The following FRMD4B variants were observed in gnomAD, a reference collection of about 807,000 sequenced individuals.
FRMD4B encodes FERM domain-containing protein 4B.
In FRMD4B, 74 loss-of-function variants were observed where a neutral mutation model predicts 141.5. The observed-to-expected ratio is 0.52, with a 90% CI of 0.43 to 0.63. FRMD4B has a LOEUF of 0.63. FRMD4B is among the 30% of genes least tolerant of loss of function. FRMD4B has a pLI of 0.00. For synonymous variants in FRMD4B, 506 were observed against 467.9 expected, an observed-to-expected ratio of 1.08 and a Z score of -1.05; for missense variants, 1,366 against 1,253.4, an observed-to-expected ratio of 1.09 and a Z score of -1.36.
At chr3:69,204,740 A>C (rs894470715) in intron 11 of FRMD4B, among the ~76,000 whole-genome samples, 7 of 152,208 alleles carry the variant, frequency 4.6e-5, no homozygotes, top group African/African-American at 1.4e-4. Context: ...GTCATACAAC[A>C]AATACGCAGT....
intron 5 of FRMD4B, among the ~76,000 whole-genome samples, chr3:69,264,509 G>A (rs1356254109): frequency 6.6e-6 from 1 of 152,096 alleles, no homozygotes; most frequent in Non-Finnish European, 1.5e-5. Flanking sequence ...CAGAGTAAGG[G>A]ATCCCAGGTT....
intron 19 of FRMD4B, among the ~76,000 whole-genome samples, chr3:69,186,392 G>C (rs982000714): frequency 6.6e-6 from 1 of 151,576 alleles, no homozygotes; most frequent in Non-Finnish European, 1.5e-5. Flanking sequence ...ACTACAGGTA[G>C]GCAACACCAT....
intron 1 of FRMD4B, among the ~76,000 whole-genome samples, chr3:69,521,830 T>C (rs999326733): frequency 1.3e-5 from 2 of 152,172 alleles, no homozygotes; most frequent in African/African-American, 4.8e-5. Flanking sequence ...TCAGCTGAAA[T>C]GTCGCTCCAA....
chr3:69,249,997 G>T, intron 6 of FRMD4B, 46 bp downstream of exon 6: 1 of 1,316,886 alleles, frequency 7.6e-7, no homozygotes, highest in South Asian at 1.2e-5. Context: ...TAACAAAAAC[G>T]AACAAACACA....
At chr3:69,420,948 G>T (rs550086673) in intron 2 of FRMD4B, among the ~76,000 whole-genome samples, 1 of 152,328 alleles carries the variant, frequency 6.6e-6, no homozygotes, top group African/African-American at 2.4e-5. Flanking sequence ...TAAACAATAA[G>T]AGAGGAAGTC....
intron 1 of FRMD4B, among the ~76,000 whole-genome samples, chr3:69,510,180 A>T (rs1706666946): frequency 6.6e-6 from 1 of 152,086 alleles, no homozygotes; most frequent in Non-Finnish European, 1.5e-5. Context: ...TAATCCCTAT[A>T]GAATACTTAG....
At chr3:69,183,994 C>T (rs771348786) in intron 19 of FRMD4B, among the ~76,000 whole-genome samples, 14 of 152,084 alleles carry the variant, frequency 9.2e-5, no homozygotes, top group Non-Finnish European at 1.9e-4. Context: ...CTCCTGGGTT[C>T]GAGTGATCCT....
chr3:69,446,580 T>G (rs1427727258), intron 1 of FRMD4B, among the ~76,000 whole-genome samples: 10 of 152,176 alleles, frequency 6.6e-5, no homozygotes, highest in Non-Finnish European at 1.3e-4. Context: ...TCAGCCCACC[T>G]TGGCCTCTCA....
At chr3:69,308,908 A>C (rs1701480548) in intron 3 of FRMD4B, among the ~76,000 whole-genome samples, 2 of 152,024 alleles carry the variant, frequency 1.3e-5, no homozygotes, top group Non-Finnish European at 2.9e-5. Context: ...CCTGTCTAAA[A>C]CTGAACCCAA....
chr3:69,343,570 G>GTTTTTT (rs764348717), intron 1 of FRMD4B, among the ~76,000 whole-genome samples: 8 of 84,194 alleles, frequency 9.5e-5, no homozygotes, highest in African/African-American at 1.3e-4. Context: ...TGTCTTAACA[G>GTTTTTT]TTTTTTGTTT....
chr3:69,465,017 C>A (rs1217380543), intron 1 of FRMD4B, among the ~76,000 whole-genome samples: 1 of 152,086 alleles, frequency 6.6e-6, no homozygotes, highest in Non-Finnish European at 1.5e-5. Flanking sequence ...GTTATTTGGA[C>A]CTTAAGTCAA....
intron 17 of FRMD4B, 99 bp downstream of exon 17, chr3:69,193,549 C>T (rs2092863925): frequency 3.0e-6 from 2 of 667,238 alleles, no homozygotes; most frequent in Non-Finnish European, 5.2e-6. Flanking sequence ...CCTGGTTCTT[C>T]CTTTGATCTC....
At chr3:69,176,727 G>T in intron 21 of FRMD4B, 71 bp from the exon 22 acceptor site, 2 of 914,758 alleles carry the variant, frequency 2.2e-6, no homozygotes, top group Middle Eastern at 3.1e-4. Context: ...AGGTCATTCA[G>T]AGGTACATTG....
At chr3:69,261,254 C>A (rs2093525508) in intron 5 of FRMD4B, among the ~76,000 whole-genome samples, 1 of 152,152 alleles carries the variant, frequency 6.6e-6, no homozygotes, top group South Asian at 2.1e-4. Context: ...GAAAGAAACT[C>A]CGAACATCAG....
chr3:69,370,252 A>AG (rs915923319), intron 1 of FRMD4B, among the ~76,000 whole-genome samples: 9 of 152,188 alleles, frequency 5.9e-5, no homozygotes, highest in African/African-American at 2.2e-4. Context: ...GCCAAAAAAA[A>AG]GAGAGCAAAC....
chr3:69,225,572 A>C (rs113561885), intron 7 of FRMD4B, among the ~76,000 whole-genome samples: 2 of 147,958 alleles, frequency 1.4e-5, no homozygotes, highest in African/African-American at 4.9e-5. Flanking sequence ...GTGGGTGCCT[A>C]TAGTCCCAGC....
At chr3:69,217,389 G>A (rs1424034687) in intron 10 of FRMD4B, among the ~76,000 whole-genome samples, 1 of 152,172 alleles carries the variant, frequency 6.6e-6, no homozygotes, top group East Asian at 1.9e-4. Flanking sequence ...GGGAGCCTGA[G>A]GCAGGTGGAT....
chr3:69,344,243 C>G (rs886101347), intron 1 of FRMD4B, among the ~76,000 whole-genome samples: 5 of 152,194 alleles, frequency 3.3e-5, no homozygotes, highest in African/African-American at 1.2e-4. Context: ...TATCCATATA[C>G]TGCCAGTGGC....
At chr3:69,265,995 TAGACCA>T (rs1417146457) in intron 5 of FRMD4B, among the ~76,000 whole-genome samples, 2 of 151,462 alleles carry the variant, frequency 1.3e-5, no homozygotes, top group East Asian at 3.9e-4. Context: ...ACAGTAGTTC[TAGACCA>T]GTCTGGGCAA....
Sources: allele counts gnomAD v4.1 joint callset (sites outside exome capture counted in the v4.1 genomes callset), GRCh38; gene constraint gnomAD v4.1.1; transcripts MANE v1.5; gene names NCBI Gene and HGNC (gene_info 2026-07-23, HGNC 2026-07-21).